PDZRN4: variants seen among roughly 807,000 people sequenced by gnomAD.
The protein encoded by PDZRN4 is PDZ domain-containing RING finger protein 4.
In PDZRN4, 70 loss-of-function variants were observed where a neutral mutation model predicts 99.0. The observed-to-expected ratio is 0.71, with a 90% CI of 0.58 to 0.86. The LOEUF (loss-of-function observed/expected upper bound fraction) is 0.86, where lower values mean the gene tolerates loss of function less well. PDZRN4 is among the 40% of genes least tolerant of loss of function. The pLI, the probability that PDZRN4 is intolerant of heterozygous loss-of-function variation, is 0.00. For synonymous variants in PDZRN4, 551 were observed against 501.6 expected (o/e 1.10, Z -1.32); for missense variants, 1,474 against 1,331.2 (o/e 1.11, Z -1.67).
At chr12:41,248,275 A>C (rs2120802010) in intron 3 of PDZRN4, among the ~76,000 whole-genome samples, 1 of 152,294 alleles carries the variant, frequency 6.6e-6, no homozygotes, top group East Asian at 1.9e-4. Context: ...AAGCTTACAA[A>C]CCTAAATCTT....
In PDZRN4 at chr12:41,378,272, G is replaced by T. The variant is rs185840989; in HGVS notation, c.844-128184G>T. On this transcript the variant is annotated intron_variant, in intron 3 of 9. Transcript: ENST00000402685. ...CATTCTTCTTCCTGTTAATACGATG[G>T]GTTGTATTTATTGACTTGTTTATGC... 3.9e-5 allele frequency among the ~76,000 whole-genome samples: 6 copies of T among 152,144 alleles called. No homozygotes were observed. The East Asian group carries it at 1.2e-3, about 30-fold the overall frequency.
intron 7 of PDZRN4, among the ~76,000 whole-genome samples, chr12:41,559,201 A>C (rs773313953): frequency 1.3e-5 from 2 of 151,684 alleles, no homozygotes; most frequent in Non-Finnish European, 2.9e-5. Flanking sequence ...ACACACACAC[A>C]CACACGTGCT....
chr12:41,307,337 A>G (rs961500569), intron 3 of PDZRN4, among the ~76,000 whole-genome samples: 2 of 152,116 alleles, frequency 1.3e-5, no homozygotes. Flanking sequence ...TTCTCATTCT[A>G]TATCTGTACA....
chr12:41,209,567 A>G (rs979770378), intron 3 of PDZRN4, among the ~76,000 whole-genome samples: 1 of 147,416 alleles, frequency 6.8e-6, no homozygotes, highest in Non-Finnish European at 1.5e-5. Flanking sequence ...TCATTGTTCA[A>G]TTCCCACCTA....
At chr12:41,305,813 T>G (rs954107372) in intron 3 of PDZRN4, among the ~76,000 whole-genome samples, 9 of 152,212 alleles carry the variant, frequency 5.9e-5, no homozygotes, top group Non-Finnish European at 1.3e-4. Context: ...TTGTTCCATC[T>G]TGACAATGTT....
intron 3 of PDZRN4, among the ~76,000 whole-genome samples, chr12:41,487,231 C>A (rs947994932): frequency 6.7e-6 from 1 of 149,202 alleles, no homozygotes; most frequent in African/African-American, 2.5e-5. Flanking sequence ...CAAGGTCTGG[C>A]ACATGGCTGG....
chr12:41,556,779 A>G (rs533018412), intron 7 of PDZRN4, among the ~76,000 whole-genome samples: 7 of 152,326 alleles, frequency 4.6e-5, no homozygotes, highest in Middle Eastern at 3.4e-3. Context: ...CAAATCAGGA[A>G]TAGCTGAAAG....
intron 3 of PDZRN4, among the ~76,000 whole-genome samples, chr12:41,335,076 C>T (rs780355407): frequency 2.0e-5 from 3 of 151,852 alleles, no homozygotes; most frequent in Non-Finnish European, 2.9e-5. Flanking sequence ...AAAATATAAA[C>T]ATATTAAATA....
intron 3 of PDZRN4, among the ~76,000 whole-genome samples, chr12:41,404,358 C>T (rs1452523838): frequency 6.6e-6 from 1 of 152,014 alleles, no homozygotes; most frequent in Admixed American, 6.6e-5. Flanking sequence ...AGTTATACAT[C>T]AATAACGTCC....
At chr12:41,384,982 A>G (rs536963958) in intron 3 of PDZRN4, among the ~76,000 whole-genome samples, 2 of 152,314 alleles carry the variant, frequency 1.3e-5, no homozygotes, top group South Asian at 4.1e-4. Context: ...AGAAAGTACA[A>G]TGATGAATCC....
chr12:41,191,932 G>GCCA (rs1407144010), intron 2 of PDZRN4, among the ~76,000 whole-genome samples: 1 of 151,680 alleles, frequency 6.6e-6, no homozygotes, highest in Non-Finnish European at 1.5e-5. Flanking sequence ...ACAGGCTCCT[G>GCCA]CCACCACACC....
At chr12:41,287,146 T>C (rs1951427467) in intron 3 of PDZRN4, among the ~76,000 whole-genome samples, 1 of 152,148 alleles carries the variant, frequency 6.6e-6, no homozygotes, top group African/African-American at 2.4e-5. Flanking sequence ...TATATAAAAC[T>C]GCAATTTAAA....
intron 5 of PDZRN4, among the ~76,000 whole-genome samples, chr12:41,519,772 A>G (rs1938462277): frequency 6.6e-6 from 1 of 152,064 alleles, no homozygotes; most frequent in Non-Finnish European, 1.5e-5. Flanking sequence ...CTTAGTAGAT[A>G]TATTGTGGTT....
chr12:41,333,586 G>C (rs1218224559), intron 3 of PDZRN4, among the ~76,000 whole-genome samples: 1 of 152,044 alleles, frequency 6.6e-6, no homozygotes, highest in Non-Finnish European at 1.5e-5. Context: ...CCAGGTCTTG[G>C]ACCCTCCTTC....
intron 3 of PDZRN4, among the ~76,000 whole-genome samples, chr12:41,250,760 G>C (rs1448192387): frequency 1.3e-5 from 2 of 152,186 alleles, no homozygotes; most frequent in African/African-American, 4.8e-5. Context: ...TGACACGGTG[G>C]AGAAAGACTA....
chr12:41,213,324 G>T (rs1289320228), intron 3 of PDZRN4, among the ~76,000 whole-genome samples: 1 of 152,002 alleles, frequency 6.6e-6, no homozygotes, highest in African/African-American at 2.4e-5. Flanking sequence ...CAGTGGTTTC[G>T]ATGAGGGGTT....
Position 41,191,482 on chromosome 12 carries a change from A to G in PDZRN4, c.673A>G (p.Ile225Val). The stretch of plus-strand genomic sequence containing the variant: ...GGATGGAGAGCATAAGCCATTCACT[A>G]TTGTGTTAGAAAGAGAAAATGACAC... ...RRDGEHKPFT[I>V]VLERENDTLG... The change falls in exon 2 of 10, where the codon ATT (isoleucine) becomes GTT (valine). Residue 225 changes from isoleucine to valine, a missense_variant. Physicochemically the swap from Ile to Val is conservative, Grantham distance 29. Transcript: ENST00000402685. The G allele has an allele frequency of 6.4e-7, 1 of 1,565,788 alleles. No individual in the cohort carries two copies.
intron 3 of PDZRN4, among the ~76,000 whole-genome samples, chr12:41,461,437 T>G (rs1453566553): frequency 6.6e-6 from 1 of 152,142 alleles, no homozygotes; most frequent in Non-Finnish European, 1.5e-5. Context: ...GTTCTCATCA[T>G]TACATGTGGT....
At chr12:41,357,059 T>C (rs1368506298) in intron 3 of PDZRN4, among the ~76,000 whole-genome samples, 1 of 151,970 alleles carries the variant, frequency 6.6e-6, no homozygotes, top group Non-Finnish European at 1.5e-5. Context: ...TTTATGCAGA[T>C]GAAAAACAGA....
Sources: gnomAD v4.1 joint callset for allele counts (sites outside exome capture counted in the v4.1 genomes callset) on GRCh38, gnomAD v4.1.1 for gene constraint, MANE v1.5 for transcripts, NCBI Gene and HGNC (gene_info 2026-07-23, HGNC 2026-07-21) for gene names.